The following CACNA1B variants were observed in gnomAD, a reference collection of about 807,000 sequenced individuals.
CACNA1B encodes calcium voltage-gated channel subunit alpha1 B.
A neutral mutation model predicts 247.2 loss-of-function variants in CACNA1B; 70 were observed. The ratio of observed to expected loss-of-function variants is 0.28; its 90% CI spans 0.23 to 0.35. CACNA1B has a LOEUF of 0.35. Ranked by LOEUF, CACNA1B falls within the 10% of genes least tolerant of loss-of-function variation. The pLI is 1.00. For missense variants in CACNA1B, 2,367 were observed against 3,197.4 expected, an observed-to-expected ratio of 0.74 and a Z score of 6.26; for synonymous variants, 1,231 against 1,294.4, an observed-to-expected ratio of 0.95 and a Z score of 1.05.
chr9:138,009,035 G>C (rs929462673), intron 16 of CACNA1B, among the ~76,000 whole-genome samples: 3 of 152,246 alleles, frequency 2.0e-5, no homozygotes, highest in Admixed American at 2.0e-4. Context: ...GGTGGTTCTG[G>C]GAAACTGTGC....
intron 36 of CACNA1B, among the ~76,000 whole-genome samples, chr9:138,091,996 C>A (rs561723682): frequency 6.6e-6 from 1 of 152,054 alleles, no homozygotes; most frequent in Non-Finnish European, 1.5e-5. Context: ...TTAGGGATTT[C>A]AAAAGGGGAG....
At chr9:138,021,073 C>T (rs1958839522) in intron 18 of CACNA1B, among the ~76,000 whole-genome samples, 1 of 152,226 alleles carries the variant, frequency 6.6e-6, no homozygotes, top group Non-Finnish European at 1.5e-5. Flanking sequence ...CCTCACAGGG[C>T]TCCTGTGCCT....
At chr9:138,091,154 G>T (rs541794933) in intron 36 of CACNA1B, among the ~76,000 whole-genome samples, 2 of 152,300 alleles carry the variant, frequency 1.3e-5, no homozygotes, top group South Asian at 2.1e-4. Flanking sequence ...ATCCACACAT[G>T]AATGGATTTT....
At chr9:137,910,253 T>A (rs1588999216) in intron 3 of CACNA1B, among the ~76,000 whole-genome samples, 1 of 152,190 alleles carries the variant, frequency 6.6e-6, no homozygotes, top group East Asian at 1.9e-4. Context: ...TTATTGTTGT[T>A]GAGTTGTAAG....
Position 137,913,180 on chromosome 9 carries a change from G to A in CACNA1B, c.531G>A (p.Gly177=), listed in dbSNP as rs986625730. 6.2e-7 allele frequency: 1 copy of A among 1,613,602 alleles called. No individual in the cohort carries two copies. The highest frequency in any genetic ancestry group is 1.7e-5 in the Admixed American group (1 of 60,010). Residue 177 remains glycine, a splice_region_variant and synonymous_variant, in exon 4 of 47, where the codon GGG becomes GGA. Transcript: ENST00000371372. The surrounding 1 kb of genome is among the most constrained non-coding windows in gnomAD (Gnocchi z 5.2). ...NVMDFVVVLT[G]ILATAGTDFD... is the part of the protein sequence containing the mutation. Reference sequence around the variant, plus strand: ...CCCTTCTTCTCCTTGTTTCTGCCAGGATCCTTGCCACGGCTGGAACTGACT... The same window carrying A: ...CCCTTCTTCTCCTTGTTTCTGCCAGAATCCTTGCCACGGCTGGAACTGACT...
chr9:138,082,399 A>G (rs1348952222), intron 36 of CACNA1B, among the ~76,000 whole-genome samples: 1 of 151,332 alleles, frequency 6.6e-6, no homozygotes, highest in Admixed American at 6.6e-5. Context: ...GCAGAAGAGG[A>G]TTTACGGACA....
intron 10 of CACNA1B, among the ~76,000 whole-genome samples, chr9:137,970,379 G>A (rs1368252623): frequency 1.3e-5 from 2 of 152,188 alleles, no homozygotes; most frequent in African/African-American, 2.4e-5. Context: ...GCCAGCTCCT[G>A]TACAGACACA....
Position 137,880,629 on chromosome 9 carries a change from G to A in CACNA1B, c.390+1470G>A, listed in dbSNP as rs1393053668. On this transcript the variant is annotated intron_variant, in intron 2 of 46. Transcript: ENST00000371372. This position sits in a 1 kb window ranked among gnomAD's most constrained non-coding sequence, Gnocchi z 4.8. The stretch of plus-strand genomic sequence containing the variant: ...GTTTACTTTGTGGTCATAGGTTGGG[G>A]AGGACACTTCTAGGAGTGGCGAGCT... 1.3e-5 allele frequency among the ~76,000 whole-genome samples: 2 copies of A among 152,194 alleles called. No homozygotes were observed. The highest frequency in any genetic ancestry group is 2.9e-5 in the Non-Finnish European group (2 of 68,010).
At chr9:137,934,181 A>G (rs1957638232) in intron 6 of CACNA1B, among the ~76,000 whole-genome samples, 1 of 152,224 alleles carries the variant, frequency 6.6e-6, no homozygotes, top group South Asian at 2.1e-4. Context: ...CTGTTCCCAC[A>G]GGTTCACAGG....
At chr9:137,976,102 T>A in intron 12 of CACNA1B, 83 bp downstream of exon 12, 1 of 857,042 alleles carries the variant, frequency 1.2e-6, no homozygotes, top group South Asian at 1.4e-5. Flanking sequence ...CCATGCCCAG[T>A]GTGGGCTGGG....
intron 3 of CACNA1B, among the ~76,000 whole-genome samples, chr9:137,893,033 G>C (rs1404020250): frequency 6.6e-6 from 1 of 152,158 alleles, no homozygotes; most frequent in Non-Finnish European, 1.5e-5. Flanking sequence ...TGGGCTCTGT[G>C]CCATCTCCAG....
At position 138,121,517 on chromosome 9, in the gene CACNA1B, A is replaced by G. The variant is rs1589141684; in HGVS notation, c.6538A>G (p.Ser2180Gly). The change falls in exon 47 of 47, where the codon AGC becomes GGC. Residue 2180 changes from serine to glycine, a missense_variant. Ser to Gly is a moderately conservative substitution (Grantham distance 56). Transcript: ENST00000371372. This position sits in a 1 kb window ranked among gnomAD's most constrained non-coding sequence, Gnocchi z 6.8. ...CCCCTTGCTGTCAACATCTGGTGCTAGCACCCCCGGCCGCGGTGGGCGGAG... is the reference window on the plus strand; with the variant it reads ...CCCCTTGCTGTCAACATCTGGTGCTGGCACCCCCGGCCGCGGTGGGCGGAG... ...GSPLLSTSGA[S>G]TPGRGGRRQL... is the part of the protein sequence containing the mutation. 3.8e-6 allele frequency: 6 copies of G among 1,566,058 alleles called. No individual in the cohort carries two copies. The highest frequency in any genetic ancestry group is 4.5e-5 in the East Asian group (2 of 44,220).
At chr9:137,904,851 G>A (rs1237245655) in intron 3 of CACNA1B, among the ~76,000 whole-genome samples, 1 of 151,856 alleles carries the variant, frequency 6.6e-6, no homozygotes, top group Non-Finnish European at 1.5e-5. Context: ...CTACTATGTT[G>A]GTGAGAACTC....
rs911316343 is a variant in CACNA1B, at chr9:138,096,708, C to A, written c.5222+97C>A. 1.1e-5 allele frequency: 14 copies of A among 1,280,720 alleles called. No homozygotes were observed. The South Asian group carries it at 1.2e-4, about 11-fold the overall frequency. 79.3% of individuals were successfully genotyped at this position (1,280,720 alleles called of 1,614,324 possible). On this transcript the variant is annotated intron_variant, in intron 37 of 46. Coordinates refer to ENST00000371372, the MANE Select transcript of CACNA1B (RefSeq NM_000718.4). ...GCTTCAGACATGTTTCAAGTGAGCACCCCCTCAGGTTTTGGTTTGGGGCCT... is the reference window on the plus strand; with the variant it reads ...GCTTCAGACATGTTTCAAGTGAGCAACCCCTCAGGTTTTGGTTTGGGGCCT...
At chr9:137,902,760 G>A (rs1347894534) in intron 3 of CACNA1B, among the ~76,000 whole-genome samples, 2 of 152,136 alleles carry the variant, frequency 1.3e-5, no homozygotes, top group African/African-American at 2.4e-5. Flanking sequence ...GGGCTACTGC[G>A]GGCACCCCCC....
At position 137,986,236 on chromosome 9, in the gene CACNA1B, AGGG is replaced by A. The variant is rs1339967224; in HGVS notation, c.1770-176_1770-174del. On this transcript the variant is annotated intron_variant, in intron 13 of 46. Coordinates refer to ENST00000371372, the MANE Select transcript of CACNA1B (RefSeq NM_000718.4). This position sits in a 1 kb window ranked among gnomAD's most constrained non-coding sequence, Gnocchi z 6.0. The stretch of plus-strand genomic sequence containing the variant: ...TTCTCTGCCTTCCCATGGGGCCCTC[AGGG>A]AGAGAAGTCCAGGGTAGTGGGCCTG... Among the ~76,000 whole-genome samples, 5 of 152,168 alleles carry A rather than the reference AGGG, an allele frequency of 3.3e-5. No homozygotes were observed. The highest frequency in any genetic ancestry group is 7.4e-5 in the Non-Finnish European group (5 of 68,020).
chr9:137,960,749 G>T (rs1482640730), intron 10 of CACNA1B, among the ~76,000 whole-genome samples: 1 of 152,046 alleles, frequency 6.6e-6, no homozygotes, highest in Non-Finnish European at 1.5e-5. Context: ...TTCCAACCGG[G>T]ACCCCAGGCC....
At position 137,990,381 on chromosome 9, in the gene CACNA1B, G is replaced by A. The variant is rs931806976; in HGVS notation, c.1974+3527G>A. ...TCTTTCTCTACCCACCCTGATGGCC[G>A]AAGACAAAGGTTATAATCTCCTGGG... On this transcript the variant is annotated intron_variant, in intron 15 of 46. Coordinates refer to ENST00000371372, the MANE Select transcript of CACNA1B (RefSeq NM_000718.4). This position sits in a 1 kb window ranked among gnomAD's most constrained non-coding sequence, Gnocchi z 4.5. 1.3e-5 allele frequency among the ~76,000 whole-genome samples: 2 copies of A among 151,858 alleles called. No individual in the cohort carries two copies. Among genetic ancestry groups the A allele is most frequent in the African/African-American group, 4.8e-5 (2 of 41,306 alleles).
At chr9:138,082,023 G>GT (rs1960537196) in intron 36 of CACNA1B, among the ~76,000 whole-genome samples, 1 of 151,240 alleles carries the variant, frequency 6.6e-6, no homozygotes, top group African/African-American at 2.4e-5. Flanking sequence ...ATAACTAAAT[G>GT]TAAGAGCTAT....
Sources: gnomAD v4.1 joint callset for allele counts (sites outside exome capture counted in the v4.1 genomes callset) on GRCh38, gnomAD v4.1.1 for gene constraint, Gnocchi (gnomAD v3.1) non-coding constraint, MANE v1.5 for transcripts, NCBI Gene and HGNC (gene_info 2026-07-23, HGNC 2026-07-21) for gene names.